LSAMP: variants seen among roughly 807,000 people sequenced by gnomAD.
LSAMP encodes limbic system associated membrane protein.
In LSAMP, 7 loss-of-function variants were observed where a neutral mutation model predicts 38.6. The ratio of observed to expected loss-of-function variants is 0.18; its 90% CI spans 0.10 to 0.34. The LOEUF (loss-of-function observed/expected upper bound fraction) is 0.34. LSAMP is among the 10% of genes least tolerant of loss of function. The probability of loss-of-function intolerance (pLI) is 1.00; values close to 1 mark genes in which losing one functional copy is unlikely to be tolerated. For missense variants in LSAMP, 313 were observed against 420.0 expected (o/e 0.75, Z 2.23); for synonymous variants, 154 against 166.8 (o/e 0.92, Z 0.59).
intron 3 of LSAMP, among the ~76,000 whole-genome samples, chr3:115,935,504 T>C (rs1341953361): frequency 6.6e-6 from 1 of 152,174 alleles, no homozygotes; most frequent in Admixed American, 6.5e-5. Flanking sequence ...AGAATGGAAG[T>C]CCACTAGGTA....
intron 2 of LSAMP, among the ~76,000 whole-genome samples, chr3:116,077,370 A>G (rs1302037711): frequency 6.6e-6 from 1 of 152,130 alleles, no homozygotes; most frequent in Non-Finnish European, 1.5e-5. Flanking sequence ...TTTTAAATAC[A>G]TCAAGAATAG....
At chr3:115,818,821 T>TATATATATATATATATATATATAA (rs1172422801) in intron 6 of LSAMP, among the ~76,000 whole-genome samples, 3 of 124,220 alleles carry the variant, frequency 2.4e-5, no homozygotes, top group Non-Finnish European at 3.4e-5. Context: ...TATATATATA[T>TATATATATATATATATATATATAA]AACTGCAGCA....
intron 2 of LSAMP, chr3:116,051,361 T>TC (rs1210043196): frequency 6.6e-6 from 1 of 152,114 alleles, no homozygotes; most frequent in Admixed American, 6.5e-5. Flanking sequence ...AAAAAGAGAA[T>TC]CTTCTCCTGA....
At position 115,805,703 on chromosome 3, in the gene LSAMP, C is replaced by G. The variant is rs1339795781; in HGVS notation, c.*4614G>C. The G allele has an allele frequency of 6.6e-6, 1 of 152,166 alleles. No individual in the cohort carries two copies. The highest frequency in any genetic ancestry group is 2.4e-5 in the African/African-American group (1 of 41,430). The allele number at this position is 152,166 out of a possible 1,614,324, so 9.4% of individuals were successfully genotyped here. On this transcript the variant is annotated 3_prime_UTR_variant, in exon 7 of 7. Coordinates refer to ENST00000490035, the MANE Select transcript of LSAMP (RefSeq NM_002338.5). ...ATGCTGGGTGAAAACAAATTCTTTC[C>G]TAAATTTTGGTTGGCGACATTTGAA...
At position 115,901,440 on chromosome 3, in the gene LSAMP, T is replaced by C. The variant is rs115662564; in HGVS notation, c.515-48823A>G. Among the ~76,000 whole-genome samples, 1,341 of 152,288 alleles carry C rather than the reference T, an allele frequency of 8.8e-3. 19 individuals are homozygous for C. The highest frequency in any genetic ancestry group is 0.03 in the African/African-American group (1,235 of 41,566). The stretch of plus-strand genomic sequence containing the variant: ...TGTTCAAGTCCAGATTACAGATACC[T>C]ATTTTCAACTGTCTCCTACACATAT... On this transcript the variant is annotated intron_variant, in intron 3 of 6. Transcript: ENST00000490035.
At chr3:115,916,801 T>G (rs1937261173) in intron 3 of LSAMP, among the ~76,000 whole-genome samples, 1 of 152,190 alleles carries the variant, frequency 6.6e-6, no homozygotes, top group African/African-American at 2.4e-5. Context: ...AGGTCAGGAA[T>G]CATATTCAAG....
intron 2 of LSAMP, among the ~76,000 whole-genome samples, chr3:116,047,190 A>G (rs924412963): frequency 6.6e-6 from 1 of 152,228 alleles, no homozygotes; most frequent in Non-Finnish European, 1.5e-5. Flanking sequence ...TACATTTAAA[A>G]GATTATGATC....
chr3:116,076,124 A>C (rs901458480), intron 2 of LSAMP, among the ~76,000 whole-genome samples: 1 of 152,200 alleles, frequency 6.6e-6, no homozygotes, highest in Non-Finnish European at 1.5e-5. Context: ...TTAAACCTGC[A>C]TCATATGTGA....
chr3:116,438,952 T>C (rs1436320183), intron 1 of LSAMP, among the ~76,000 whole-genome samples: 5 of 152,326 alleles, frequency 3.3e-5, no homozygotes, highest in Non-Finnish European at 7.3e-5. Flanking sequence ...CGATACAATG[T>C]GACTCCAATT....
chr3:116,380,547 G>A (rs985124844), intron 1 of LSAMP, among the ~76,000 whole-genome samples: 1 of 151,824 alleles, frequency 6.6e-6, no homozygotes, highest in Admixed American at 6.6e-5. Context: ...GTACTTTCCT[G>A]AGGCAACCAA....
chr3:116,313,801 A>G (rs1436960224), intron 1 of LSAMP, among the ~76,000 whole-genome samples: 2 of 152,162 alleles, frequency 1.3e-5, no homozygotes, highest in African/African-American at 4.8e-5. Context: ...TAAAAATACA[A>G]AAATTAGCCA....
rs566121860 is a variant in LSAMP at position 116,013,791 on chromosome 3, C to A, written c.514+5724G>T. Among the ~76,000 whole-genome samples the A allele has an allele frequency of 4.6e-5, 7 of 152,222 alleles. No homozygotes were observed. In the South Asian group the frequency reaches 6.2e-4, roughly 14 times the overall value. On this transcript the variant is annotated intron_variant, in intron 3 of 6. Transcript: ENST00000490035. The stretch of plus-strand genomic sequence containing the variant: ...AAACGTTCAAAGAAAAGTAGCATAA[C>A]AAAACCCCTACATCATGATCTCACA...
chr3:116,182,218 C>A (rs944102655), intron 1 of LSAMP, among the ~76,000 whole-genome samples: 1 of 151,610 alleles, frequency 6.6e-6, no homozygotes, highest in Non-Finnish European at 1.5e-5. Context: ...AATGATGCAG[C>A]CAAATAATAA....
At chr3:115,944,341 T>G (rs1312260857) in intron 3 of LSAMP, among the ~76,000 whole-genome samples, 1 of 152,196 alleles carries the variant, frequency 6.6e-6, no homozygotes, top group East Asian at 1.9e-4. Context: ...ATGACAGTTT[T>G]GCCTATTTGA....
At chr3:116,331,371 A>T (rs995098291) in intron 1 of LSAMP, among the ~76,000 whole-genome samples, 2 of 152,210 alleles carry the variant, frequency 1.3e-5, no homozygotes, top group South Asian at 2.1e-4. Context: ...CTTCTCAATT[A>T]TTATTAAACA....
At chr3:115,911,549 G>A (rs867215325) in intron 3 of LSAMP, among the ~76,000 whole-genome samples, 5 of 152,082 alleles carry the variant, frequency 3.3e-5, no homozygotes, top group Non-Finnish European at 5.9e-5. Flanking sequence ...TCACCATGTT[G>A]CCCAGGCTGG....
intron 3 of LSAMP, among the ~76,000 whole-genome samples, chr3:116,015,336 TTCCTCATGAATGTGAGAAGAAAGAC>T (rs1940448255): frequency 6.6e-6 from 1 of 152,140 alleles, no homozygotes; most frequent in South Asian, 2.1e-4. Flanking sequence ...AGAAAGGGAC[TTCCTCATGAATGTGAGAAGAAAGAC>T]TTAGAAACGA....
intron 1 of LSAMP, among the ~76,000 whole-genome samples, chr3:116,366,232 G>A (rs1352538010): frequency 6.6e-6 from 1 of 151,828 alleles, no homozygotes; most frequent in African/African-American, 2.4e-5. Context: ...CTTCTCAAAA[G>A]AAAACATACA....
chr3:115,813,072 ATAAT>A (rs978488420), intron 6 of LSAMP, among the ~76,000 whole-genome samples: 47 of 152,248 alleles, frequency 3.1e-4, no homozygotes, highest in African/African-American at 1.1e-3. Context: ...TCTTTTACAA[ATAAT>A]TCAGAATTAA....
Sources: gnomAD v4.1 joint callset for allele counts (sites outside exome capture counted in the v4.1 genomes callset) on GRCh38, gnomAD v4.1.1 for gene constraint, MANE v1.5 for transcripts, NCBI Gene and HGNC (gene_info 2026-07-23, HGNC 2026-07-21) for gene names.